Variants in CENPN observed in about 807,000 individuals in gnomAD.
CENPN encodes interphase centromere complex protein 32.
In CENPN, 36 loss-of-function variants were observed where a neutral mutation model predicts 48.6. The observed-to-expected ratio is 0.74, with a 90% CI of 0.57 to 0.98. CENPN has a LOEUF of 0.98. CENPN is among the 50% of genes least tolerant of loss of function. CENPN has a pLI of 0.00. For synonymous variants in CENPN, 166 were observed against 135.2 expected (o/e 1.23, Z -1.58); for missense variants, 439 against 399.2 (o/e 1.10, Z -0.85).
At position 81,031,197 on chromosome 16, in the gene CENPN, C is replaced by G. The variant is rs1567559301; in HGVS notation, c.*2546C>G. The G allele has an allele frequency of 6.6e-6, 1 of 151,814 alleles. No homozygotes were observed. Among genetic ancestry groups the G allele is most frequent in the Non-Finnish European group, 1.5e-5 (1 of 67,966 alleles). The allele number at this position is 151,814 out of a possible 1,614,324, so 9.4% of individuals were successfully genotyped here. ...CTCCAAAAAAAAAACAATACAGGAG[C>G]TTACCTTGAACCTTTGAATTGGGCC... On this transcript the variant is annotated 3_prime_UTR_variant, in exon 11 of 11. Transcript: ENST00000305850.
At chr16:81,016,856 C>T (rs532488838) in intron 3 of CENPN, 3 of 166,212 alleles carry the variant, frequency 1.8e-5, no homozygotes, top group African/African-American at 7.2e-5. Flanking sequence ...TGGGAACTAA[C>T]GCAGGGTGTT....
intron 6 of CENPN, 142 bp downstream of exon 6, chr16:81,020,418 G>GACCAC: frequency 1.3e-6 from 1 of 786,514 alleles, no homozygotes; most frequent in Non-Finnish European, 1.8e-6. Context: ...AGCTACTTGG[G>GACCAC]AGGCTGAAGT....
At chr16:81,026,231 A>G (rs1970488288) in intron 8 of CENPN, among the ~76,000 whole-genome samples, 1 of 150,470 alleles carries the variant, frequency 6.6e-6, no homozygotes, top group Non-Finnish European at 1.5e-5. Flanking sequence ...ATACACATAT[A>G]TGCATCTTTA....
intron 3 of CENPN, 135 bp downstream of exon 3, chr16:81,014,316 C>T (rs1969854312): frequency 3.0e-6 from 2 of 672,014 alleles, no homozygotes; most frequent in East Asian, 5.5e-5. Flanking sequence ...CTCACCGCGA[C>T]CTCTGCCTCC....
At chr16:81,009,335 G>T (rs182903188) in intron 1 of CENPN, among the ~76,000 whole-genome samples, 1 of 152,338 alleles carries the variant, frequency 6.6e-6, no homozygotes, top group Admixed American at 6.5e-5. Flanking sequence ...GAAGTCACTG[G>T]AGAGAACATG....
Position 81,030,431 on chromosome 16 carries a change from G to C in CENPN, c.*1780G>C. On this transcript the variant is annotated 3_prime_UTR_variant, in exon 11 of 11. Transcript: ENST00000305850. Reference sequence around the variant, plus strand: ...GGGGTTTCCCCCACACATTAAGCAAGTGTGAAACATGATATAGAAAAATGA... The same window carrying C: ...GGGGTTTCCCCCACACATTAAGCAACTGTGAAACATGATATAGAAAAATGA... 2 of 982,274 alleles carry C rather than the reference G, an allele frequency of 2.0e-6. No homozygotes were observed. The highest frequency in any genetic ancestry group is 2.4e-6 in the Non-Finnish European group (2 of 827,108). 60.8% of individuals were successfully genotyped at this position (982,274 alleles called of 1,614,324 possible).
At chr16:81,032,634 C>T (rs1347265941), downstream of CENPN, 2 of 1,613,654 alleles carry the variant, frequency 1.2e-6, no homozygotes, top group Non-Finnish European at 8.5e-7. Flanking sequence ...GGACCCAGGA[C>T]CCGAGCAGCT....
intron 5 of CENPN, among the ~76,000 whole-genome samples, chr16:81,018,710 C>CA (rs1970038854): frequency 6.6e-6 from 1 of 152,208 alleles, no homozygotes. Context: ...TCAGGAAAGT[C>CA]AGACAGCTGT....
chr16:81,032,511 T>C, downstream of CENPN: 1 of 1,502,160 alleles, frequency 6.7e-7, no homozygotes, highest in Non-Finnish European at 9.0e-7. Context: ...AACTTGTATG[T>C]CTTTTCTCCT....
At chr16:81,017,275 A>T (rs1338275913) in intron 3 of CENPN, 51 bp from the exon 4 acceptor site, 1 of 1,181,294 alleles carries the variant, frequency 8.5e-7, no homozygotes, top group Non-Finnish European at 1.3e-6. Flanking sequence ...TAAGCATATT[A>T]CTTCAAAGTT....
intron 6 of CENPN, 24 bp downstream of exon 6, chr16:81,020,300 TATA>T: frequency 6.3e-7 from 1 of 1,594,490 alleles, no homozygotes; most frequent in Non-Finnish European, 8.6e-7. Flanking sequence ...TATTACAAGC[TATA>T]ATATTTTATT....
chr16:81,010,785 A>C (rs539288207), intron 1 of CENPN, among the ~76,000 whole-genome samples: 1 of 152,150 alleles, frequency 6.6e-6, no homozygotes, highest in Non-Finnish European at 1.5e-5. Flanking sequence ...CCTTGGTTTC[A>C]TCTTTGGTTC....
chr16:81,026,065 A>ATGTG (rs1205146918), intron 8 of CENPN, among the ~76,000 whole-genome samples: 3,870 of 51,346 alleles, frequency 0.075, 71 homozygotes, highest in Admixed American at 0.11. Context: ...ATATATATAT[A>ATGTG]TATATGTGTG....
intron 5 of CENPN, among the ~76,000 whole-genome samples, chr16:81,018,848 C>G (rs2151688696): frequency 6.6e-6 from 1 of 152,332 alleles, no homozygotes; most frequent in Admixed American, 6.5e-5. Context: ...AGAACAAGAT[C>G]TCAGAGGGAG....
rs1294323233 is a variant in CENPN, at chr16:81,030,603, G to A, written c.*1952G>A. ...GTCTCTACTAAAAATAGAAAAATTA[G>A]TTGGGGGTAGTGGCAGCCGCCTGTA... is the stretch of plus-strand genomic sequence containing the variant. On this transcript the variant is annotated 3_prime_UTR_variant, in exon 11 of 11. Transcript: ENST00000305850. 4 of 161,406 alleles carry A rather than the reference G, an allele frequency of 2.5e-5. No homozygotes were observed. In the Admixed American group the frequency reaches 2.6e-4, roughly 11 times the overall value. The allele number at this position is 161,406 out of a possible 1,614,324, so 10.0% of individuals were successfully genotyped here. A position where few individuals can be genotyped will look rare whatever the true frequency, so the allele number is the denominator to read the frequency against.
rs750276928 is a variant in CENPN, at chr16:81,026,089, G to GTGTGTGTGTGTA, written c.698-436_698-435insGTGTGTGTGTAT. Among the ~76,000 whole-genome samples the GTGTGTGTGTGTA allele has an allele frequency of 2.4e-3, 326 of 137,626 alleles. 2 individuals carry two copies. Among genetic ancestry groups the GTGTGTGTGTGTA allele is most frequent in the African/African-American group, 8.8e-3 (316 of 36,078 alleles). The allele number at this position is 137,626 out of a possible 152,430, so 90.3% of individuals were successfully genotyped here. A position where few individuals can be genotyped will look rare whatever the true frequency, so the allele number is the denominator to read the frequency against. ...TATATATGTGTGTGTGTGTGTGTGT[G>GTGTGTGTGTGTA]TATATATATGTGTGTGTATATATAT... On this transcript the variant is annotated intron_variant, in intron 8 of 10. Transcript: ENST00000305850.
At chr16:81,032,431 G>C, downstream of CENPN, 1 of 775,920 alleles carries the variant, frequency 1.3e-6, no homozygotes, top group South Asian at 1.6e-5. Flanking sequence ...GTATATAAGC[G>C]TCCACACCCC....
intron 8 of CENPN, among the ~76,000 whole-genome samples, chr16:81,025,470 A>AT (rs1415803233): frequency 4.6e-4 from 70 of 152,316 alleles, no homozygotes; most frequent in African/African-American, 1.6e-3. Context: ...CACTTTTATG[A>AT]TTTTCCAGTG....
chr16:81,024,565 T>TCAATTCAGC (rs112620608), intron 7 of CENPN, 150 bp from the exon 8 acceptor site: 69 of 505,512 alleles, frequency 1.4e-4, no homozygotes, highest in African/African-American at 1.3e-3. Flanking sequence ...AGTGTCCTGC[T>TCAATTCAGC]CAACTCAGCC....
Sources: allele counts gnomAD v4.1 joint callset (sites outside exome capture counted in the v4.1 genomes callset), GRCh38; gene constraint gnomAD v4.1.1; transcripts MANE v1.5; gene names NCBI Gene and HGNC (gene_info 2026-07-23, HGNC 2026-07-21).